NIPBL: variants seen among roughly 807,000 people sequenced by gnomAD.
NIPBL encodes the protein nipped-B-like protein.
Under a neutral mutation model 321.8 loss-of-function variants are expected in NIPBL, and 19 were observed. That is an observed-to-expected ratio of 0.06 (90% CI 0.04 to 0.09). NIPBL has a LOEUF of 0.09. NIPBL is among the 10% of genes least tolerant of loss of function. The pLI is 1.00. For synonymous variants in NIPBL, 1,106 were observed against 1,114.1 expected (o/e 0.99, Z 0.14); for missense variants, 2,210 against 3,327.0 (o/e 0.66, Z 8.26).
chr5:36,955,647 A>T lies in NIPBL; in HGVS notation c.230+10A>T, dbSNP rs1342924796. ...TATCAACAGATCACATGTAAGTATG[A>T]TCAATTTTATATCTACTATAAGTGA... On this transcript the variant is annotated intron_variant, in intron 3 of 46. Coordinates refer to ENST00000282516, the MANE Select transcript of NIPBL (RefSeq NM_133433.4). 1.1e-5 allele frequency: 17 copies of T among 1,610,678 alleles called. No homozygotes were observed. The highest frequency in any genetic ancestry group is 1.6e-4 in the Middle Eastern group (1 of 6,074).
At position 36,984,863 on chromosome 5, in the gene NIPBL, A is replaced by T. The variant is rs147230401; in HGVS notation, c.1683A>T (p.Ser561=). The change falls in exon 10 of 47, where the codon TCA becomes TCT. Residue 561 remains serine, a synonymous_variant. Transcript: ENST00000282516. ...VDSQASITQD[S]DSIKKPEEIK... is the part of the protein sequence containing the mutation. ...CTCAGGCTTCTATAACTCAGGATTC[A>T]GACTCCATAAAAAAGCCTGAAGAAA... The T allele has an allele frequency of 1.9e-6, 3 of 1,613,892 alleles. No individual in the cohort carries two copies. The African/African-American group carries it at 4.0e-5, about 22-fold the overall frequency.
intron 2 of NIPBL, among the ~76,000 whole-genome samples, chr5:36,954,221 G>C (rs1740700377): frequency 6.6e-6 from 1 of 152,204 alleles, no homozygotes; most frequent in African/African-American, 2.4e-5. Context: ...GGTAGAAAGT[G>C]AGAGGATGGC....
intron 32 of NIPBL, among the ~76,000 whole-genome samples, chr5:37,028,710 T>C (rs1277516984): frequency 6.6e-6 from 1 of 152,178 alleles, no homozygotes; most frequent in Non-Finnish European, 1.5e-5. Context: ...TCTATCTATC[T>C]GTAGCAGATG....
chr5:36,932,048 C>G (rs973895517), intron 1 of NIPBL, among the ~76,000 whole-genome samples: 5 of 152,032 alleles, frequency 3.3e-5, no homozygotes, highest in African/African-American at 9.7e-5. Context: ...TTCTTTGACC[C>G]ATTGATTTTC....
At chr5:37,047,269 T>G (rs2149735323) in intron 38 of NIPBL, among the ~76,000 whole-genome samples, 1 of 152,298 alleles carries the variant, frequency 6.6e-6, no homozygotes, top group South Asian at 2.1e-4. Flanking sequence ...GATTAAAAAC[T>G]TATTTGGAAA....
At chr5:36,979,576 T>C (rs950366069) in intron 9 of NIPBL, among the ~76,000 whole-genome samples, 5 of 151,828 alleles carry the variant, frequency 3.3e-5, no homozygotes, top group Admixed American at 3.3e-4. Context: ...ATGCCTAATA[T>C]TCCTTTGTCC....
chr5:36,946,543 AGT>A (rs551130099), intron 1 of NIPBL, among the ~76,000 whole-genome samples: 65 of 150,792 alleles, frequency 4.3e-4, no homozygotes, highest in South Asian at 1.3e-3. Context: ...GCTCAAAAAC[AGT>A]GTGTGTGTGT....
rs557597032 is a variant in NIPBL at position 36,890,159 on chromosome 5, C to T, written c.-80+12981C>T. ...GCCCAGTATTTTGTCAGTGGATGAA[C>T]CATAATTTATTCATTCTATTCTTGC... is the stretch of plus-strand genomic sequence containing the variant. On this transcript the variant is annotated intron_variant, in intron 1 of 46. Coordinates refer to ENST00000282516, the MANE Select transcript of NIPBL (RefSeq NM_133433.4). 2.0e-5 allele frequency among the ~76,000 whole-genome samples: 3 copies of T among 152,160 alleles called. No homozygotes were observed. In the South Asian group the frequency reaches 6.2e-4, roughly 32 times the overall value.
intron 32 of NIPBL, among the ~76,000 whole-genome samples, chr5:37,032,331 G>A (rs1751126401): frequency 6.6e-6 from 1 of 151,032 alleles, no homozygotes; most frequent in South Asian, 2.1e-4. Flanking sequence ...ACCTTGAAAT[G>A]CATTGAAAGT....
In NIPBL at chr5:37,045,597, G is replaced by T; in HGVS notation, c.6498G>T (p.Lys2166Asn). ...TGGAAGATTTTAAAGGCAACAGCAA[G>T]GTAAAGGTAGTAATACTTAAAATGC... ...FDLEDFKGNSKVNIKDKVLEL... is the reference protein window; with the variant it reads ...FDLEDFKGNSNVNIKDKVLEL... The change falls in exon 37 of 47, where the codon AAG becomes AAT. Residue 2166 changes from lysine to asparagine, a missense_variant and splice_region_variant. By Grantham distance (94) the Lys-to-Asn change is moderately conservative. Coordinates refer to ENST00000282516, the MANE Select transcript of NIPBL (RefSeq NM_133433.4). 6.2e-7 allele frequency: 1 copy of T among 1,613,578 alleles called. No homozygotes were observed.
intron 33 of NIPBL, among the ~76,000 whole-genome samples, chr5:37,037,569 C>CA (rs1008559859): frequency 6.6e-6 from 1 of 150,610 alleles, no homozygotes; most frequent in African/African-American, 2.4e-5. Flanking sequence ...TAGCCTCTAA[C>CA]AGCCGTCCAT....
At chr5:36,918,339 G>GT (rs1354863376) in intron 1 of NIPBL, among the ~76,000 whole-genome samples, 4 of 152,100 alleles carry the variant, frequency 2.6e-5, no homozygotes, top group Non-Finnish European at 5.9e-5. Flanking sequence ...TGTTATTGGT[G>GT]TTTAAGAATG....
At chr5:37,010,451 G>C (rs898551854) in intron 21 of NIPBL, among the ~76,000 whole-genome samples, 3 of 152,116 alleles carry the variant, frequency 2.0e-5, no homozygotes, top group Admixed American at 2.0e-4. Context: ...GAGTAGCTGG[G>C]ATTACAGGCA....
At position 37,033,730 on chromosome 5, in the gene NIPBL, A is replaced by ATTTT. The variant is rs58081432; in HGVS notation, c.5863-2632_5863-2629dup. Among the ~76,000 whole-genome samples, 17 of 21,504 alleles carry ATTTT rather than the reference A, an allele frequency of 7.9e-4. 1 individual carries two copies. The highest frequency in any genetic ancestry group is 1.7e-3 in the Admixed American group (2 of 1,198). 14.1% of individuals were successfully genotyped at this position (21,504 alleles called of 152,430 possible). On this transcript the variant is annotated intron_variant, in intron 32 of 46. Coordinates refer to ENST00000282516, the MANE Select transcript of NIPBL (RefSeq NM_133433.4). ...CATATATATATATATATATATATAT[A>ATTTT]TTTTTTTTTTTTTTTTTTTTAATGG...
intron 1 of NIPBL, among the ~76,000 whole-genome samples, chr5:36,914,089 C>A (rs35042093): frequency 4.5e-4 from 68 of 152,154 alleles, no homozygotes; most frequent in Non-Finnish European, 7.5e-4. Flanking sequence ...ACGGTGACCA[C>A]CACATGGAAA....
intron 1 of NIPBL, among the ~76,000 whole-genome samples, chr5:36,917,379 T>C (rs1214936392): frequency 6.6e-6 from 1 of 152,214 alleles, no homozygotes; most frequent in African/African-American, 2.4e-5. Context: ...TTGTAGATTC[T>C]GGATATTAGC....
intron 10 of NIPBL, 39 bp downstream of exon 10, chr5:36,986,340 G>A (rs1219225863): frequency 5.4e-6 from 7 of 1,301,896 alleles, no homozygotes; most frequent in Admixed American, 2.7e-5. Flanking sequence ...TAATATAATC[G>A]ATTTTAAGTG....
intron 24 of NIPBL, among the ~76,000 whole-genome samples, chr5:37,017,833 A>G (rs1749166274): frequency 1.3e-5 from 2 of 152,160 alleles, no homozygotes; most frequent in South Asian, 2.1e-4. Context: ...TTGTAGGAAT[A>G]GTACAAAGAA....
intron 9 of NIPBL, among the ~76,000 whole-genome samples, chr5:36,979,964 A>G (rs1231440088): frequency 6.6e-6 from 1 of 151,688 alleles, no homozygotes; most frequent in Admixed American, 6.6e-5. Flanking sequence ...AAAAGAATGT[A>G]CTTTTTAAGT....
Sources: allele counts gnomAD v4.1 joint callset (sites outside exome capture counted in the v4.1 genomes callset), GRCh38; gene constraint gnomAD v4.1.1; transcripts MANE v1.5; gene names NCBI Gene and HGNC (gene_info 2026-07-23, HGNC 2026-07-21).